Variants in COL12A1 observed in about 807,000 individuals in gnomAD.
COL12A1 encodes collagen type XII alpha 1 chain.
A neutral mutation model predicts 349.7 loss-of-function variants in COL12A1; 114 were observed. The observed-to-expected ratio is 0.33, with a 90% confidence interval of 0.28 to 0.38. The LOEUF is 0.38. COL12A1 is among the 10% of genes least tolerant of loss of function. COL12A1 has a pLI of 1.00. For synonymous variants in COL12A1, 1,369 were observed against 1,329.0 expected, an observed-to-expected ratio of 1.03 and a Z score of -0.66; for missense variants, 3,284 against 3,756.9, an observed-to-expected ratio of 0.87 and a Z score of 3.29.
Position 75,124,296 on chromosome 6 carries a change from C to G in COL12A1, c.6683G>C (p.Arg2228Pro), listed in dbSNP as rs1253362145. The G allele has an allele frequency of 6.2e-7, 1 of 1,613,652 alleles. No homozygotes were observed. Among genetic ancestry groups the G allele is most frequent in the South Asian group, 1.1e-5 (1 of 91,058 alleles). Residue 2228 changes from arginine to proline, a missense_variant, in exon 41 of 66, where the codon CGG (arginine) becomes CCG (proline). Transcript: ENST00000322507. ...TTTTAGCCTGTAGGAGGTGGCTGCC[C>G]GGTGAGGTGACCATTTGACACAGAA... is the stretch of plus-strand genomic sequence containing the variant. ...DTFCVKWSPH[R>P]AATSYRLKLS...
chr6:75,119,895 G>A (rs921113811), intron 44 of COL12A1, among the ~76,000 whole-genome samples: 1 of 152,150 alleles, frequency 6.6e-6, no homozygotes, highest in Admixed American at 6.6e-5. Flanking sequence ...ATACAGAAAT[G>A]TCACATGTGT....
Position 75,175,665 on chromosome 6 carries a change from G to A in COL12A1, c.2438-355C>T, listed in dbSNP as rs182443117. ...TATACACATTGATTAGTATTACAAT[G>A]CAGATTTTAATTCCTTTAAGAAATC... On this transcript the variant is annotated intron_variant, in intron 12 of 65. Coordinates refer to ENST00000322507, the MANE Select transcript of COL12A1 (RefSeq NM_004370.6). Among the ~76,000 whole-genome samples, 19 of 152,324 alleles carry A rather than the reference G, an allele frequency of 1.2e-4. No homozygotes were observed. The South Asian group carries it at 3.9e-3, about 32-fold the overall frequency.
intron 13 of COL12A1, among the ~76,000 whole-genome samples, chr6:75,168,095 A>G (rs1284720512): frequency 6.6e-6 from 1 of 152,170 alleles, no homozygotes; most frequent in Non-Finnish European, 1.5e-5. Flanking sequence ...GACTCCAAAG[A>G]AAGGAGAAAG....
At chr6:75,111,768 T>G (rs1364507692) in intron 51 of COL12A1, among the ~76,000 whole-genome samples, 1 of 151,824 alleles carries the variant, frequency 6.6e-6, no homozygotes, top group East Asian at 1.9e-4. Context: ...TATGGAGGTC[T>G]GTAAACCTTT....
At position 75,130,071 on chromosome 6, in the gene COL12A1, T is replaced by C. The variant is rs377223538; in HGVS notation, c.6210+20A>G. 4 of 1,610,860 alleles carry C rather than the reference T, an allele frequency of 2.5e-6. No individual in the cohort carries two copies. In the African/African-American group the frequency reaches 5.4e-5, roughly 22 times the overall value. On this transcript the variant is annotated intron_variant, in intron 37 of 65. Coordinates refer to ENST00000322507, the MANE Select transcript of COL12A1 (RefSeq NM_004370.6). ...CAGCTAAGATGATAAAATGTGCCAATAAATGAGTATCAGACTTACATATTC... is the reference window on the plus strand; with the variant it reads ...CAGCTAAGATGATAAAATGTGCCAACAAATGAGTATCAGACTTACATATTC...
At chr6:75,125,011 T>C (rs1765942511) in intron 40 of COL12A1, 116 bp downstream of exon 40, 3 of 887,818 alleles carry the variant, frequency 3.4e-6, no homozygotes, top group Admixed American at 3.4e-5. Flanking sequence ...CAAAATAGCC[T>C]GCCTACATAA....
rs1361287372 is a variant in COL12A1, at chr6:75,143,273, T to C, written c.4806A>G (p.Thr1602=). Residue 1602 remains threonine, a synonymous_variant, in exon 26 of 66, where the codon ACA becomes ACG. Coordinates refer to ENST00000322507, the MANE Select transcript of COL12A1 (RefSeq NM_004370.6). Reference sequence around the variant, plus strand: ...CTACCTCTTTGACATCCTCTTCTGGTGTTTTGTATCGAACAATATATTTAC... The same window carrying C: ...CTACCTCTTTGACATCCTCTTCTGGCGTTTTGTATCGAACAATATATTTAC... ...KVRKYIVRYK[T]PEEDVKEVEV... is the part of the protein sequence containing the mutation. The C allele has an allele frequency of 3.0e-5, 48 of 1,613,846 alleles. No homozygotes were observed. The highest frequency in any genetic ancestry group is 3.9e-5 in the Non-Finnish European group (46 of 1,179,920).
At chr6:75,165,173 G>A (rs1350775046) in intron 14 of COL12A1, among the ~76,000 whole-genome samples, 1 of 151,754 alleles carries the variant, frequency 6.6e-6, no homozygotes, top group East Asian at 1.9e-4. Context: ...ACTTGACAAA[G>A]ATCATGCAGC....
chr6:75,105,141 G>C, intron 54 of COL12A1, 65 bp downstream of exon 54: 1 of 1,377,228 alleles, frequency 7.3e-7, no homozygotes, highest in Non-Finnish European at 1.0e-6. Flanking sequence ...CTCCATATTG[G>C]CAAATAGATA....
chr6:75,087,580 G>T lies in COL12A1; in HGVS notation c.9178C>A (p.Pro3060Thr). 2 of 1,613,718 alleles carry T rather than the reference G, an allele frequency of 1.2e-6. No individual in the cohort carries two copies. Among genetic ancestry groups the T allele is most frequent in the Non-Finnish European group, 1.7e-6 (2 of 1,179,850 alleles). ...ASIPYNGQGYPGSG is the reference protein window; with the variant it reads ...ASIPYNGQGYTGSG ...TCCTACAATGGCAACAACGTACCTG[G>T]ATAGCCTTGCCCGTTGTATGGGATG... Residue 3060 changes from proline (P) to threonine (T), a missense_variant, in exon 65 of 66, where the codon CCA becomes ACA. Pro to Thr is a conservative substitution (Grantham distance 38). This residue lies in a region of COL12A1 where 683 missense variants were observed against 932.1 expected (regional missense o/e 0.73). Transcript: ENST00000322507.
chr6:75,167,863 T>C (rs1768390771), intron 13 of COL12A1, among the ~76,000 whole-genome samples: 1 of 152,170 alleles, frequency 6.6e-6, no homozygotes, highest in Non-Finnish European at 1.5e-5. Context: ...TTTATCGATA[T>C]CCTGAAAATA....
At chr6:75,096,845 G>A (rs958445090) in intron 59 of COL12A1, among the ~76,000 whole-genome samples, 10 of 139,878 alleles carry the variant, frequency 7.1e-5, no homozygotes, top group Admixed American at 3.1e-4. Context: ...GCAGTGAGCC[G>A]AGATCCCGCC....
rs1767720355 is a variant in COL12A1, at chr6:75,155,764, A to G, written c.3341T>C (p.Val1114Ala). The change falls in exon 16 of 66, where the codon GTG becomes GCG. Residue 1114 changes from valine (V) to alanine (A), a missense_variant. By Grantham distance (64) the Val-to-Ala change is moderately conservative (BLOSUM62 0). Around this residue, in one of 2 missense-constraint regions of COL12A1, gnomAD observed 2,601 missense variants for 2,824.8 expected, o/e 0.92. Transcript: ENST00000322507. ...GTGGAATGTGACTTTATAACCCTTC[A>G]CTTCCCCAGGGGCAGGCTCCCAAGT... ...RVTWEPAPGE[V>A]KGYKVTFHPT... 1 of 1,613,330 alleles carries G rather than the reference A, an allele frequency of 6.2e-7. No homozygotes were observed. Among genetic ancestry groups the G allele is most frequent in the Non-Finnish European group, 8.5e-7 (1 of 1,179,660 alleles).
chr6:75,131,058 A>G lies in COL12A1; in HGVS notation c.5938-77T>C, dbSNP rs116160606. 112 of 1,571,704 alleles carry G rather than the reference A, an allele frequency of 7.1e-5. No homozygotes were observed. The African/African-American group carries it at 1.3e-3, about 18-fold the overall frequency. ...CAAGTCTTCAGTTAGTCATCACAATAGTATTTATAATAAAATGTTGAGCCC... is the reference window on the plus strand; with the variant it reads ...CAAGTCTTCAGTTAGTCATCACAATGGTATTTATAATAAAATGTTGAGCCC... On this transcript the variant is annotated intron_variant, in intron 35 of 65. Transcript: ENST00000322507.
rs755046298 is a variant in COL12A1 at position 75,202,774 on chromosome 6, G to C, written c.19C>G (p.Pro7Ala). 9.7e-6 allele frequency: 15 copies of C among 1,551,874 alleles called. No homozygotes were observed. The East Asian group carries it at 3.4e-4, about 35-fold the overall frequency. The change falls in exon 2 of 66, where the codon CCA becomes GCA. Residue 7 changes from proline to alanine, a missense_variant. Physicochemically the swap from Pro to Ala is conservative, Grantham distance 27. Transcript: ENST00000322507. ...GCCGCGCCCAGGGCGGCAAGCGCTG[G>C]GGGAAGCCTACTCCGCATCCTTGGC... MRSRLP[P>A]ALAALGAALL...
At chr6:75,180,462 C>T (rs1397088364) in intron 11 of COL12A1, among the ~76,000 whole-genome samples, 1 of 151,964 alleles carries the variant, frequency 6.6e-6, no homozygotes, top group Non-Finnish European at 1.5e-5. Context: ...TACTTAATGC[C>T]ACTAAAATGT....
chr6:75,118,477 T>G (rs995416632), intron 46 of COL12A1, among the ~76,000 whole-genome samples: 3 of 152,324 alleles, frequency 2.0e-5, no homozygotes, highest in Admixed American at 1.3e-4. Context: ...GGGCTGTTAA[T>G]GCAAGTACTG....
At chr6:75,104,451 G>T (rs2015242) in intron 54 of COL12A1, among the ~76,000 whole-genome samples, 5,964 of 152,206 alleles carry the variant, frequency 0.039, 211 homozygotes, top group East Asian at 0.19. Context: ...TACATTATTT[G>T]CTATGACCCA....
intron 26 of COL12A1, 28 bp downstream of exon 26, chr6:75,143,224 T>A: frequency 6.2e-7 from 1 of 1,611,668 alleles, no homozygotes; most frequent in Non-Finnish European, 8.5e-7. Context: ...AACAAATATT[T>A]TCATATCTAC....
Sources: allele counts gnomAD v4.1 joint callset (sites outside exome capture counted in the v4.1 genomes callset), GRCh38; gene constraint gnomAD v4.1.1; regional missense constraint gnomAD v4.1.1; transcripts MANE v1.5; gene names NCBI Gene and HGNC (gene_info 2026-07-23, HGNC 2026-07-21).